Variants in NFIA observed in about 807,000 individuals in gnomAD.
NFIA encodes the protein nuclear factor I A, also known as nuclear factor 1 A-type.
Under a neutral mutation model 62.8 loss-of-function variants are expected in NFIA, and 8 were observed. That is an observed-to-expected ratio of 0.13 (90% CI 0.07 to 0.23). NFIA has a LOEUF of 0.23. NFIA is among the 10% of genes least tolerant of loss of function. NFIA has a pLI of 1.00. For synonymous variants in NFIA, 235 were observed against 238.1 expected (o/e 0.99, Z 0.12); for missense variants, 410 against 642.1 (o/e 0.64, Z 3.91).
At chr1:61,277,662 G>T in intron 3 of NFIA, 77 bp downstream of exon 3, 1 of 1,467,886 alleles carries the variant, frequency 6.8e-7, no homozygotes, top group East Asian at 2.3e-5. Flanking sequence ...GTGAGGATTT[G>T]GGGGCCTACC....
At chr1:61,257,329 GTTTTTTTTTTTT>G (rs67912567) in intron 2 of NFIA, among the ~76,000 whole-genome samples, 2 of 54,730 alleles carry the variant, frequency 3.7e-5, no homozygotes, top group Non-Finnish European at 6.6e-5. Flanking sequence ...TTACTGCGTT[GTTTTTTTTTTTT>G]TTTTTTTTTT....
At position 61,359,255 on chromosome 1, in the gene NFIA, A is replaced by C; in HGVS notation, c.927A>C (p.Gly309=). 6.2e-7 allele frequency: 1 copy of C among 1,612,484 alleles called. No homozygotes were observed. The highest frequency in any genetic ancestry group is 8.5e-7 in the Non-Finnish European group (1 of 1,179,972). ...CAGGAAGTGGCAGTCAGTCAAGTGG[A>C]TGGCATGAAGTGGAGCCAGGTAAGC... ...RSPGSGSQSS[G]WHEVEPGMPS... Residue 309 remains glycine (G), a synonymous_variant, in exon 6 of 11, where the codon GGA becomes GGC. Transcript: ENST00000403491.
At chr1:61,149,763 A>G (rs1344432454) in intron 2 of NFIA, among the ~76,000 whole-genome samples, 2 of 151,934 alleles carry the variant, frequency 1.3e-5, no homozygotes, top group East Asian at 3.9e-4. Context: ...AGTGGAGGGG[A>G]CAATATTAAC....
chr1:61,216,549 C>T (rs1307861484), intron 2 of NFIA, among the ~76,000 whole-genome samples: 1 of 152,164 alleles, frequency 6.6e-6, no homozygotes, highest in Non-Finnish European at 1.5e-5. Flanking sequence ...TTTTAAAAAC[C>T]TGCTCAATTC....
chr1:61,089,565 C>CT (rs1180734383), intron 2 of NFIA, among the ~76,000 whole-genome samples: 2 of 151,764 alleles, frequency 1.3e-5, no homozygotes, highest in Non-Finnish European at 2.9e-5. Context: ...AACTTGTTGA[C>CT]TTTATATATG....
chr1:61,342,734 AT>A (rs1013723937), intron 4 of NFIA, among the ~76,000 whole-genome samples: 9 of 152,348 alleles, frequency 5.9e-5, no homozygotes, highest in African/African-American at 1.9e-4. Context: ...CGTGTTGAAT[AT>A]ATCTCCTTCA....
At chr1:61,148,149 G>A (rs1050243612) in intron 2 of NFIA, among the ~76,000 whole-genome samples, 5 of 152,216 alleles carry the variant, frequency 3.3e-5, no homozygotes, top group African/African-American at 1.2e-4. Context: ...TATCTCCAGG[G>A]CCTGGCATCT....
intron 6 of NFIA, among the ~76,000 whole-genome samples, chr1:61,371,762 AAGAC>A (rs1389084383): frequency 6.6e-6 from 1 of 152,180 alleles, no homozygotes; most frequent in African/African-American, 2.4e-5. Context: ...TGGAAAGACA[AAGAC>A]AGAGAGGAAC....
At chr1:61,360,474 A>G (rs1663230196) in intron 6 of NFIA, among the ~76,000 whole-genome samples, 1 of 152,224 alleles carries the variant, frequency 6.6e-6, no homozygotes, top group Admixed American at 6.5e-5. Flanking sequence ...ATTTCCTAGC[A>G]TAGCTACTAC....
At chr1:61,118,147 T>C (rs1426144438) in intron 2 of NFIA, among the ~76,000 whole-genome samples, 1 of 146,718 alleles carries the variant, frequency 6.8e-6, no homozygotes, top group East Asian at 2.0e-4. Flanking sequence ...GCCGCACCAC[T>C]GCACTCCAGC....
intron 3 of NFIA, among the ~76,000 whole-genome samples, chr1:61,287,000 T>C (rs537884498): frequency 2.4e-4 from 36 of 152,048 alleles, no homozygotes; most frequent in Non-Finnish European, 4.3e-4. Context: ...AGAGAATAGT[T>C]GCAGATGAGT....
At chr1:61,354,735 C>T (rs888003148) in intron 5 of NFIA, among the ~76,000 whole-genome samples, 1 of 152,136 alleles carries the variant, frequency 6.6e-6, no homozygotes, top group Admixed American at 6.5e-5. Flanking sequence ...AAAGGAGTTT[C>T]TAGCATCTCT....
chr1:61,262,808 A>G (rs187280481), intron 2 of NFIA, among the ~76,000 whole-genome samples: 21 of 152,342 alleles, frequency 1.4e-4, no homozygotes, highest in African/African-American at 4.6e-4. Context: ...ATTATGTGCT[A>G]TTTTGGGAGG....
chr1:61,361,867 A>T (rs1663316585), intron 6 of NFIA, among the ~76,000 whole-genome samples: 1 of 150,882 alleles, frequency 6.6e-6, no homozygotes, highest in Non-Finnish European at 1.5e-5. Context: ...TCACAGTTGT[A>T]TTCCTGGACT....
chr1:61,100,707 T>C (rs577109334), intron 2 of NFIA, among the ~76,000 whole-genome samples: 1 of 152,184 alleles, frequency 6.6e-6, no homozygotes, highest in East Asian at 1.9e-4. Flanking sequence ...ATCCTCCTAC[T>C]TCAGCCTCCT....
intron 2 of NFIA, among the ~76,000 whole-genome samples, chr1:61,265,766 G>C (rs1657118051): frequency 1.3e-5 from 2 of 152,124 alleles, no homozygotes; most frequent in Admixed American, 6.5e-5. Flanking sequence ...AAGTTTTCTG[G>C]AAGACCCGAT....
intron 3 of NFIA, among the ~76,000 whole-genome samples, chr1:61,306,808 G>T (rs1659828639): frequency 6.6e-6 from 1 of 152,160 alleles, no homozygotes; most frequent in Admixed American, 6.6e-5. Context: ...TATAGGAACA[G>T]CAAATCCATG....
chr1:61,226,489 A>AT (rs1421576134), intron 2 of NFIA, among the ~76,000 whole-genome samples: 1 of 152,132 alleles, frequency 6.6e-6, no homozygotes, highest in African/African-American at 2.4e-5. Flanking sequence ...TAAACTTCAC[A>AT]TTAACCCTGC....
intron 7 of NFIA, among the ~76,000 whole-genome samples, chr1:61,403,255 C>G (rs1331533334): frequency 2.0e-5 from 3 of 152,190 alleles, no homozygotes; most frequent in Non-Finnish European, 4.4e-5. Context: ...TCTTATCCTC[C>G]AGCCAGTTTT....
Sources: gnomAD v4.1 joint callset for allele counts (sites outside exome capture counted in the v4.1 genomes callset) on GRCh38, gnomAD v4.1.1 for gene constraint, MANE v1.5 for transcripts, NCBI Gene and HGNC (gene_info 2026-07-23, HGNC 2026-07-21) for gene names.